The following TNFRSF21 variants were observed in gnomAD, a reference collection of about 807,000 sequenced individuals.
TNFRSF21 encodes the protein TNF receptor superfamily member 21.
TNFRSF21 carries 19 observed loss-of-function variants against 45.6 expected under a neutral mutation model. That is an observed-to-expected ratio of 0.42 (90% CI 0.29 to 0.61). TNFRSF21 has a LOEUF of 0.61. Ranked by LOEUF, TNFRSF21 falls within the 20% of genes least tolerant of loss-of-function variation. TNFRSF21 has a pLI of 0.23. For missense variants in TNFRSF21, 737 were observed against 851.5 expected (o/e 0.87, Z 1.67); for synonymous variants, 314 against 335.5 (o/e 0.94, Z 0.70).
intron 3 of TNFRSF21, among the ~76,000 whole-genome samples, chr6:47,261,063 A>G (rs1765067296): frequency 6.6e-6 from 1 of 152,096 alleles, no homozygotes; most frequent in African/African-American, 2.4e-5. Context: ...AAGACGGGAG[A>G]CATGAACTCA....
chr6:47,285,675 G>A (rs527429092), intron 2 of TNFRSF21, among the ~76,000 whole-genome samples: 27 of 152,296 alleles, frequency 1.8e-4, no homozygotes, highest in African/African-American at 6.3e-4. Flanking sequence ...GTCACACGCT[G>A]TCCTTGTTTC....
At position 47,253,069 on chromosome 6, in the gene TNFRSF21, G is replaced by C. The variant is rs138855767; in HGVS notation, c.1509+187C>G. Among the ~76,000 whole-genome samples, 70 of 151,970 alleles carry C rather than the reference G, an allele frequency of 4.6e-4. No individual in the cohort carries two copies. The East Asian group carries it at 0.013, about 28-fold the overall frequency. On this transcript the variant is annotated intron_variant, in intron 4 of 5. Transcript: ENST00000296861. Reference sequence around the variant, plus strand: ...TAAAGTTTTCTAGATGATTCTAATAGACGGCCACTGAGAACCCCCGTCCTA... The same window carrying C: ...TAAAGTTTTCTAGATGATTCTAATACACGGCCACTGAGAACCCCCGTCCTA...
chr6:47,270,600 A>C (rs1000748644), intron 3 of TNFRSF21, among the ~76,000 whole-genome samples: 2 of 152,242 alleles, frequency 1.3e-5, no homozygotes, highest in Non-Finnish European at 2.9e-5. Context: ...ATCAGAGCGC[A>C]TCTTCTCCTC....
chr6:47,241,451 G>T (rs535358010), intron 4 of TNFRSF21, among the ~76,000 whole-genome samples: 2 of 151,350 alleles, frequency 1.3e-5, no homozygotes, highest in East Asian at 3.9e-4. Context: ...AGAGTAAGGG[G>T]TCTTGGCAAG....
chr6:47,256,198 G>A (rs1159351062), intron 3 of TNFRSF21, among the ~76,000 whole-genome samples: 1 of 152,172 alleles, frequency 6.6e-6, no homozygotes, highest in Non-Finnish European at 1.5e-5. Context: ...TCAAAAATCA[G>A]TTCCTAGTAG....
intron 1 of TNFRSF21, among the ~76,000 whole-genome samples, chr6:47,290,161 C>T (rs942177609): frequency 1.3e-5 from 2 of 152,180 alleles, no homozygotes; most frequent in Non-Finnish European, 2.9e-5. Context: ...AGTTTGAAAG[C>T]TGTATTAGTA....
chr6:47,259,866 T>C (rs1765046778), intron 3 of TNFRSF21, among the ~76,000 whole-genome samples: 1 of 152,138 alleles, frequency 6.6e-6, no homozygotes, highest in Non-Finnish European at 1.5e-5. Flanking sequence ...AGATCATTGG[T>C]AGTAGTCACA....
intron 2 of TNFRSF21, 57 bp from the exon 3 acceptor site, chr6:47,284,489 T>C: frequency 6.8e-7 from 1 of 1,466,066 alleles, no homozygotes; most frequent in Non-Finnish European, 9.0e-7. Flanking sequence ...GATCTATACA[T>C]TCCCTCCTTT....
chr6:47,269,655 G>A (rs1421648936), intron 3 of TNFRSF21, among the ~76,000 whole-genome samples: 1 of 152,172 alleles, frequency 6.6e-6, no homozygotes, highest in Non-Finnish European at 1.5e-5. Context: ...GCAACATATG[G>A]ATAACAATAA....
rs577096045 is a variant in TNFRSF21, at chr6:47,276,112, T to C, written c.1243+7826A>G. Among the ~76,000 whole-genome samples, 70 of 152,314 alleles carry C rather than the reference T, an allele frequency of 4.6e-4. 1 individual carries two copies. Among genetic ancestry groups the C allele is most frequent in the African/African-American group, 1.4e-3 (59 of 41,576 alleles). ...TGCCTGAGATCATCCAGCCTTTTAGTAGCTGAATGGATTTGAACCTGAGCT... is the reference window on the plus strand; with the variant it reads ...TGCCTGAGATCATCCAGCCTTTTAGCAGCTGAATGGATTTGAACCTGAGCT... On this transcript the variant is annotated intron_variant, in intron 3 of 5. Transcript: ENST00000296861.
At chr6:47,278,768 T>C (rs535407377) in intron 3 of TNFRSF21, among the ~76,000 whole-genome samples, 5 of 152,340 alleles carry the variant, frequency 3.3e-5, no homozygotes, top group African/African-American at 9.6e-5. Context: ...CCTTTTGCTG[T>C]AGAGGATACA....
intron 4 of TNFRSF21, 122 bp downstream of exon 4, chr6:47,253,134 G>T: frequency 8.5e-7 from 1 of 1,173,120 alleles, no homozygotes; most frequent in Non-Finnish European, 1.2e-6. Flanking sequence ...GCGTATGCGT[G>T]TGTGTGTGTG....
chr6:47,284,031 C>T lies in TNFRSF21; in HGVS notation c.1150G>A (p.Asp384Asn), dbSNP rs1243184269. 6.2e-7 allele frequency: 1 copy of T among 1,614,192 alleles called. No homozygotes were observed. The change falls in exon 3 of 6, where the codon GAT (aspartate) becomes AAT (asparagine). Residue 384 changes from aspartate (D) to asparagine (N), a missense_variant. Transcript: ENST00000296861. ...SRTLKKGPRQ[D>N]PSAIVEKAGL... ...GCCTTTTCCACAATGGCACTGGGAT[C>T]CTGCCGGGGCCCCTTTTTCAGAGTC...
Position 47,256,876 on chromosome 6 carries a change from T to C in TNFRSF21, c.1244-3355A>G, listed in dbSNP as rs940397400. Among the ~76,000 whole-genome samples, 14 of 152,202 alleles carry C rather than the reference T, an allele frequency of 9.2e-5. 1 individual carries two copies. Among genetic ancestry groups the C allele is most frequent in the Admixed American group, 9.2e-4 (14 of 15,288 alleles). ...TACATGAAAACATGACCATGTTTTC[T>C]GGTAAGTAGGACCATTGCTTAAATC... On this transcript the variant is annotated intron_variant, in intron 3 of 5. Transcript: ENST00000296861.
At chr6:47,251,712 A>AGAAT (rs1764903792) in intron 4 of TNFRSF21, among the ~76,000 whole-genome samples, 1 of 152,214 alleles carries the variant, frequency 6.6e-6, no homozygotes. Flanking sequence ...CCAGTCTCTA[A>AGAAT]GAATGCGTGG....
rs1400873179 is a variant in TNFRSF21, at chr6:47,304,009, T to G, written c.96+5407A>C. On this transcript the variant is annotated intron_variant, in intron 1 of 5. Transcript: ENST00000296861. The stretch of plus-strand genomic sequence containing the variant: ...GTCAAACAGACATATCTTTGCCTAA[T>G]GGTCCACACTGAGTCAGCTCCAAGT... Among the ~76,000 whole-genome samples the G allele has an allele frequency of 2.0e-5, 3 of 152,208 alleles. No individual in the cohort carries two copies. The East Asian group carries it at 5.8e-4, about 29-fold the overall frequency.
chr6:47,268,621 A>ATCC (rs1762369941), intron 3 of TNFRSF21, among the ~76,000 whole-genome samples: 1 of 132,504 alleles, frequency 7.5e-6, no homozygotes, highest in African/African-American at 2.8e-5. Context: ...TTTATCTCAC[A>ATCC]GCCAGTTCTT....
At chr6:47,269,968 C>T (rs114560023) in intron 3 of TNFRSF21, among the ~76,000 whole-genome samples, 1,696 of 152,272 alleles carry the variant, frequency 0.011, 25 homozygotes, top group African/African-American at 0.038. Context: ...CGTATATGAG[C>T]GACAGTTTTC....
intron 1 of TNFRSF21, among the ~76,000 whole-genome samples, chr6:47,296,813 C>A (rs1473462247): frequency 6.6e-6 from 1 of 152,136 alleles, no homozygotes; most frequent in African/African-American, 2.4e-5. Context: ...TCATTTGTAT[C>A]CTTTATTATA....
Sources: gnomAD v4.1 joint callset for allele counts (sites outside exome capture counted in the v4.1 genomes callset) on GRCh38, gnomAD v4.1.1 for gene constraint, MANE v1.5 for transcripts, NCBI Gene and HGNC (gene_info 2026-07-23, HGNC 2026-07-21) for gene names.